The following COL15A1 variants were observed in gnomAD, a reference collection of about 807,000 sequenced individuals.
COL15A1 encodes the protein collagen type XV alpha 1 chain.
In COL15A1, 111 loss-of-function variants were observed where a neutral mutation model predicts 165.9. The observed-to-expected ratio is 0.67, with a 90% CI of 0.57 to 0.78. COL15A1 has a LOEUF of 0.78. Ranked by LOEUF, COL15A1 falls within the 30% of genes least tolerant of loss-of-function variation. The pLI, the probability that COL15A1 is intolerant of heterozygous loss-of-function variation, is 0.00. For missense variants in COL15A1, 1,745 were observed against 1,789.7 expected (o/e 0.98, Z 0.45); for synonymous variants, 659 against 674.8 (o/e 0.98, Z 0.36).
intron 5 of COL15A1, among the ~76,000 whole-genome samples, chr9:98,989,475 T>C (rs1187108675): frequency 1.3e-5 from 2 of 152,194 alleles, no homozygotes; most frequent in Non-Finnish European, 2.9e-5. Context: ...TGCCACCCTG[T>C]GTGTGGCCAT....
intron 9 of COL15A1, among the ~76,000 whole-genome samples, chr9:99,007,507 T>G (rs1838782456): frequency 6.6e-6 from 1 of 152,240 alleles, no homozygotes; most frequent in Admixed American, 6.5e-5. Context: ...GGAGGGTTTA[T>G]TCCTAGACAG....
chr9:99,022,135 G>A lies in COL15A1; in HGVS notation c.1746G>A (p.Gly582=), dbSNP rs771021857. 6.2e-7 allele frequency: 1 copy of A among 1,614,102 alleles called. No individual in the cohort carries two copies. The highest frequency in any genetic ancestry group is 1.1e-5 in the South Asian group (1 of 91,084). The stretch of plus-strand genomic sequence containing the variant: ...TTCCTGGCCCTCCTGAACCTTCTGG[G>A]CCTGTTGGACCCACGGTGAGATTCC... ...EELPGPPEPS[G]PVGPTAGAEA... Residue 582 remains glycine (G), a synonymous_variant, in exon 13 of 42, where the codon GGG becomes GGA. Transcript: ENST00000375001.
chr9:99,053,250 G>A (rs1341731249), intron 31 of COL15A1, among the ~76,000 whole-genome samples: 1 of 152,210 alleles, frequency 6.6e-6, no homozygotes, highest in East Asian at 1.9e-4. Flanking sequence ...CAGCTTGGCT[G>A]TGTCACCCCG....
intron 35 of COL15A1, among the ~76,000 whole-genome samples, chr9:99,059,019 G>A (rs1204994044): frequency 6.6e-6 from 1 of 152,188 alleles, no homozygotes; most frequent in East Asian, 1.9e-4. Flanking sequence ...AACAGCCAAA[G>A]GAATAGTTGT....
At chr9:99,053,623 T>A (rs190275097) in intron 31 of COL15A1, among the ~76,000 whole-genome samples, 17 of 152,356 alleles carry the variant, frequency 1.1e-4, no homozygotes, top group Non-Finnish European at 2.2e-4. Context: ...GTGGGCTCAG[T>A]GTGGGTGAAG....
intron 11 of COL15A1, among the ~76,000 whole-genome samples, chr9:99,016,888 G>A (rs10125514): frequency 0.14 from 20,841 of 152,276 alleles, 1,981 homozygotes; most frequent in East Asian, 0.43. Context: ...CATTGGCCAC[G>A]GTGCGGCAGG....
intron 2 of COL15A1, among the ~76,000 whole-genome samples, chr9:98,979,335 G>A (rs970746433): frequency 3.3e-5 from 5 of 152,192 alleles, no homozygotes; most frequent in African/African-American, 9.7e-5. Context: ...TGCCAGTAAC[G>A]CAGGAGAAGG....
intron 2 of COL15A1, among the ~76,000 whole-genome samples, chr9:98,951,650 A>T (rs745597733): frequency 6.6e-6 from 1 of 152,154 alleles, no homozygotes; most frequent in Non-Finnish European, 1.5e-5. Context: ...TTGAAGCCTC[A>T]AAGTCCTGGG....
chr9:98,983,394 T>C (rs1452552132), intron 2 of COL15A1, among the ~76,000 whole-genome samples: 3 of 152,126 alleles, frequency 2.0e-5, no homozygotes, highest in Non-Finnish European at 4.4e-5. Flanking sequence ...GACTCCCCCA[T>C]CTCAGTGAGG....
chr9:99,005,157 G>A lies in COL15A1; in HGVS notation c.1353+107G>A, dbSNP rs538743768. The A allele has an allele frequency of 4.8e-4, 562 of 1,178,360 alleles. 12 individuals carry two copies. In the South Asian group the frequency reaches 8.2e-3, roughly 17 times the overall value. The allele number at this position is 1,178,360 out of a possible 1,614,324, so 73.0% of individuals were successfully genotyped here. On this transcript the variant is annotated intron_variant, in intron 9 of 41. Transcript: ENST00000375001. Reference sequence around the variant, plus strand: ...GCAAACCCATGGGAGCCTGAGGCACGGGGATCTCTGACCAAATACTCACTT... The same window carrying A: ...GCAAACCCATGGGAGCCTGAGGCACAGGGATCTCTGACCAAATACTCACTT...
intron 2 of COL15A1, among the ~76,000 whole-genome samples, chr9:98,970,962 G>C (rs1341361248): frequency 6.6e-6 from 1 of 152,208 alleles, no homozygotes; most frequent in Non-Finnish European, 1.5e-5. Flanking sequence ...ACCTATGCGT[G>C]TGTATGAGAG....
intron 16 of COL15A1, among the ~76,000 whole-genome samples, chr9:99,029,299 G>A (rs1451076240): frequency 6.6e-6 from 1 of 152,218 alleles, no homozygotes; most frequent in Non-Finnish European, 1.5e-5. Flanking sequence ...TGAATTGCCA[G>A]TAATTGCCTT....
At chr9:99,007,583 A>G (rs1251394159) in intron 9 of COL15A1, among the ~76,000 whole-genome samples, 1 of 152,170 alleles carries the variant, frequency 6.6e-6, no homozygotes, top group Non-Finnish European at 1.5e-5. Context: ...CCTACAAGAG[A>G]AAATAGCGGG....
At chr9:99,023,986 G>A (rs1026311431) in intron 14 of COL15A1, among the ~76,000 whole-genome samples, 1 of 152,204 alleles carries the variant, frequency 6.6e-6, no homozygotes, top group Non-Finnish European at 1.5e-5. Context: ...AGCTCCACCA[G>A]TCCTTTCTGA....
chr9:98,958,397 T>A (rs1375393748), intron 2 of COL15A1, among the ~76,000 whole-genome samples: 2 of 152,208 alleles, frequency 1.3e-5, no homozygotes, highest in South Asian at 4.2e-4. Flanking sequence ...ATTCACAAAG[T>A]GGGATACAAA....
chr9:99,068,018 G>T (rs1825923309), intron 40 of COL15A1, among the ~76,000 whole-genome samples: 1 of 152,188 alleles, frequency 6.6e-6, no homozygotes, highest in South Asian at 2.1e-4. Flanking sequence ...TCTAATAAGA[G>T]AAATTCCCTC....
intron 2 of COL15A1, among the ~76,000 whole-genome samples, chr9:98,957,258 A>G (rs1049035294): frequency 5.9e-5 from 9 of 152,188 alleles, no homozygotes; most frequent in African/African-American, 1.9e-4. Flanking sequence ...AAAATAGACG[A>G]AGGGGCCACA....
chr9:98,958,781 C>T (rs1170363918), intron 2 of COL15A1, among the ~76,000 whole-genome samples: 9 of 152,208 alleles, frequency 5.9e-5, no homozygotes, highest in East Asian at 1.9e-4. Flanking sequence ...TTTAGTGGCT[C>T]GGATTCCTTG....
chr9:99,061,110 A>G (rs1825808608), intron 36 of COL15A1, among the ~76,000 whole-genome samples: 1 of 152,210 alleles, frequency 6.6e-6, no homozygotes, highest in Admixed American at 6.5e-5. Context: ...TCAGGAGTCC[A>G]AAAATGCTCT....
Sources: gnomAD v4.1 joint callset for allele counts (sites outside exome capture counted in the v4.1 genomes callset) on GRCh38, gnomAD v4.1.1 for gene constraint, MANE v1.5 for transcripts, NCBI Gene and HGNC (gene_info 2026-07-23, HGNC 2026-07-21) for gene names.